CHD9: variants seen among roughly 807,000 people sequenced by gnomAD.
CHD9 encodes the protein ATP-dependent chromatin remodeler CHD9.
Under a neutral mutation model 316.1 loss-of-function variants are expected in CHD9, and 77 were observed. The ratio of observed to expected loss-of-function variants is 0.24; its 90% confidence interval spans 0.20 to 0.29. The LOEUF (loss-of-function observed/expected upper bound fraction) is 0.29, where lower values mean the gene tolerates loss of function less well. CHD9 is among the 10% of genes least tolerant of loss of function. The pLI, the probability that CHD9 is intolerant of heterozygous loss-of-function variation, is 1.00. For synonymous variants in CHD9, 1,129 were observed against 1,158.3 expected, an observed-to-expected ratio of 0.97 and a Z score of 0.51; for missense variants, 2,763 against 3,438.1, an observed-to-expected ratio of 0.80 and a Z score of 4.91.
intron 20 of CHD9, among the ~76,000 whole-genome samples, chr16:53,265,767 G>C (rs2051602241): frequency 6.6e-6 from 1 of 151,872 alleles, no homozygotes; most frequent in South Asian, 2.1e-4. Flanking sequence ...GGAAGTGATT[G>C]GCATATTTAA....
chr16:53,074,512 T>C (rs924884130), intron 1 of CHD9, among the ~76,000 whole-genome samples: 2 of 151,522 alleles, frequency 1.3e-5, no homozygotes, highest in African/African-American at 2.4e-5. Flanking sequence ...GGCCCAGAGG[T>C]TGAGGAGGAA....
intron 1 of CHD9, among the ~76,000 whole-genome samples, chr16:53,128,165 A>G (rs2039056529): frequency 1.3e-5 from 2 of 150,682 alleles, no homozygotes; most frequent in East Asian, 1.9e-4. Context: ...TTGGAAAGAC[A>G]TTGAGTAGGA....
At chr16:53,084,604 G>A (rs1363785052) in intron 1 of CHD9, among the ~76,000 whole-genome samples, 7 of 152,170 alleles carry the variant, frequency 4.6e-5, no homozygotes, top group Admixed American at 1.3e-4. Flanking sequence ...TTAGCCGGGC[G>A]TGGTGGTAGG....
intron 1 of CHD9, among the ~76,000 whole-genome samples, chr16:53,081,824 A>C (rs2035040729): frequency 7.1e-6 from 1 of 140,826 alleles, no homozygotes; most frequent in African/African-American, 2.7e-5. Context: ...TGATCTGTTT[A>C]TATTTGTCAA....
At chr16:53,088,282 T>G (rs904648879) in intron 1 of CHD9, among the ~76,000 whole-genome samples, 5 of 146,522 alleles carry the variant, frequency 3.4e-5, no homozygotes, top group Middle Eastern at 3.4e-3. Flanking sequence ...GCACTTTGTT[T>G]TTTTTTTTTT....
intron 2 of CHD9, among the ~76,000 whole-genome samples, chr16:53,204,947 G>A (rs375526497): frequency 1.3e-5 from 2 of 152,042 alleles, no homozygotes; most frequent in South Asian, 2.1e-4. Flanking sequence ...GGGTTCAAGC[G>A]ATTCTCCTGC....
At chr16:53,318,056 CA>C (rs990920667) in intron 36 of CHD9, among the ~76,000 whole-genome samples, 155 bp from the exon 37 acceptor site, 1 of 148,460 alleles carries the variant, frequency 6.7e-6, no homozygotes, top group Admixed American at 6.7e-5. Context: ...GACCCTGTCT[CA>C]AAAAAAAATA....
intron 1 of CHD9, among the ~76,000 whole-genome samples, chr16:53,089,793 GTTGAT>G (rs1452089137): frequency 6.6e-6 from 1 of 152,226 alleles, no homozygotes; most frequent in African/African-American, 2.4e-5. Flanking sequence ...AGGACCCATT[GTTGAT>G]GCCCTGGCAG....
intron 1 of CHD9, among the ~76,000 whole-genome samples, chr16:53,148,754 T>C (rs1279491195): frequency 6.6e-6 from 1 of 152,238 alleles, no homozygotes; most frequent in South Asian, 2.1e-4. Context: ...TTATCAGATA[T>C]ATGATTTACA....
rs770660226 is a variant in CHD9, at chr16:53,304,212, C to T, written c.6206C>T (p.Thr2069Ile). 61 of 1,611,086 alleles carry T rather than the reference C, an allele frequency of 3.8e-5. No homozygotes were observed. Among genetic ancestry groups the T allele is most frequent in the Non-Finnish European group, 5.1e-5 (60 of 1,178,640 alleles). The change falls in exon 31 of 39, where the codon ACC becomes ATC. Residue 2069 changes from threonine (T) to isoleucine (I), a missense_variant. By Grantham distance (89) the Thr-to-Ile change is moderately conservative. Around this residue, in one of 15 missense-constraint regions of CHD9, gnomAD observed 663 missense variants for 751.2 expected, o/e 0.88. Transcript: ENST00000447540. ...SEEESMSSVE[T>I]RTLIKSEPVS... The stretch of plus-strand genomic sequence containing the variant: ...GAAGAATCTATGTCTTCTGTGGAAA[C>T]CAGGACACTAATAAAATCTGAGCCT...
chr16:53,120,579 C>A (rs2038674502), intron 1 of CHD9, among the ~76,000 whole-genome samples: 1 of 152,108 alleles, frequency 6.6e-6, no homozygotes, highest in African/African-American at 2.4e-5. Context: ...CACCATTGCA[C>A]TCCAGCCTGG....
At chr16:53,203,045 G>C (rs2045591635) in intron 2 of CHD9, among the ~76,000 whole-genome samples, 1 of 151,988 alleles carries the variant, frequency 6.6e-6, no homozygotes, top group South Asian at 2.1e-4. Flanking sequence ...GAAAAATGTT[G>C]TATGCATTAA....
At chr16:53,154,211 T>C (rs995364719) in intron 1 of CHD9, among the ~76,000 whole-genome samples, 4 of 152,204 alleles carry the variant, frequency 2.6e-5, no homozygotes, top group African/African-American at 7.2e-5. Flanking sequence ...ATTCTAGATA[T>C]CCTAAATTTA....
At chr16:53,308,033 C>G (rs1481059964) in intron 33 of CHD9, 80 bp downstream of exon 33, 1 of 1,208,166 alleles carries the variant, frequency 8.3e-7, no homozygotes, top group Non-Finnish European at 1.1e-6. Context: ...GCTGCCTGCT[C>G]TTACTCTTCC....
At chr16:53,305,136 A>G (rs552075424) in intron 31 of CHD9, among the ~76,000 whole-genome samples, 1 of 152,162 alleles carries the variant, frequency 6.6e-6, no homozygotes, top group African/African-American at 2.4e-5. Context: ...ATCTCAGCTC[A>G]CTGCAACCTC....
intron 2 of CHD9, among the ~76,000 whole-genome samples, chr16:53,204,123 CGTGTGTGT>C (rs59131817): frequency 7.0e-5 from 10 of 142,120 alleles, no homozygotes; most frequent in Non-Finnish European, 1.2e-4. Flanking sequence ...ATCTAGATAA[CGTGTGTGT>C]GTGTGTGTGT....
intron 1 of CHD9, among the ~76,000 whole-genome samples, chr16:53,063,205 C>G (rs1014962833): frequency 1.3e-5 from 2 of 151,950 alleles, no homozygotes; most frequent in Non-Finnish European, 2.9e-5. Context: ...GGACTCTTTG[C>G]CCCATGTTAC....
chr16:53,135,884 TATTAA>T (rs1158234516), intron 1 of CHD9, among the ~76,000 whole-genome samples: 1 of 152,332 alleles, frequency 6.6e-6, no homozygotes, highest in East Asian at 1.9e-4. Flanking sequence ...TAATGGATTA[TATTAA>T]ATATGAAAAT....
intron 1 of CHD9, among the ~76,000 whole-genome samples, chr16:53,100,508 G>A (rs1430308338): frequency 6.9e-6 from 1 of 144,362 alleles, no homozygotes; most frequent in Non-Finnish European, 1.5e-5. Flanking sequence ...CCAGGCTGCT[G>A]GAGTAAAGTG....
Sources: allele counts gnomAD v4.1 joint callset (sites outside exome capture counted in the v4.1 genomes callset), GRCh38; gene constraint gnomAD v4.1.1; regional missense constraint gnomAD v4.1.1; transcripts MANE v1.5; gene names NCBI Gene and HGNC (gene_info 2026-07-23, HGNC 2026-07-21).